Variants in FAH observed in about 807,000 individuals in gnomAD.
FAH encodes fumarylacetoacetase.
Under a neutral mutation model 55.8 loss-of-function variants are expected in FAH, and 47 were observed. The observed-to-expected ratio is 0.84, with a 90% CI of 0.67 to 1.07. The LOEUF is 1.07. Ranked by LOEUF, FAH falls within the 50% of genes least tolerant of loss-of-function variation. The pLI is 0.00. For synonymous variants in FAH, 199 were observed against 207.7 expected (o/e 0.96, Z 0.36); for missense variants, 495 against 545.9 (o/e 0.91, Z 0.93).
In FAH at chr15:80,168,315, T is replaced by G. The variant is rs1567117566; in HGVS notation, c.605T>G (p.Met202Arg). 7 of 1,610,260 alleles carry G rather than the reference T, an allele frequency of 4.3e-6. No homozygotes were observed. Among genetic ancestry groups the G allele is most frequent in the Non-Finnish European group, 5.9e-6 (7 of 1,179,052 alleles). The change falls in exon 7 of 14, where the codon ATG becomes AGG. Residue 202 changes from methionine to arginine, a missense_variant and splice_region_variant. Physicochemically the swap from Met to Arg is moderately conservative, Grantham distance 91 (BLOSUM62 -1). Coordinates refer to ENST00000561421, the MANE Select transcript of FAH (RefSeq NM_000137.4). ...AAGCTCTTGGACATGGAGCTGGAAA[T>G]GGTAAGTGAGCTTGATGTTTTATTG... ...ACKLLDMELE[M>R]AFFVGPGNRL...
intron 10 of FAH, 61 bp downstream of exon 10, chr15:80,175,152 T>TCAGGACAAGGCACACA: frequency 6.7e-7 from 1 of 1,482,776 alleles, no homozygotes; most frequent in Non-Finnish European, 9.4e-7. Flanking sequence ...CTGTGTGCCT[T>TCAGGACAAGGCACACA]GTCCTGAAGG....
rs1212392235 is a variant in FAH at position 80,162,101 on chromosome 15, T to A, written c.365-145T>A. The A allele has an allele frequency of 8.1e-6, 6 of 737,424 alleles. No individual in the cohort carries two copies. In the East Asian group the frequency reaches 1.5e-4, roughly 18 times the overall value. 45.7% of individuals were successfully genotyped at this position (737,424 alleles called of 1,614,324 possible). On this transcript the variant is annotated intron_variant, in intron 4 of 13. Transcript: ENST00000561421. ...CAGTGAGGATATTTTATATTGCATT[T>A]GGTGCTGCCATTGCTGGCTGCAGGC...
intron 1 of FAH, among the ~76,000 whole-genome samples, chr15:80,154,855 T>C (rs2041084825): frequency 6.6e-6 from 1 of 152,194 alleles, no homozygotes; most frequent in South Asian, 2.1e-4. Context: ...GGGTGCTCTC[T>C]GTGAAGGTAG....
intron 10 of FAH, among the ~76,000 whole-genome samples, chr15:80,175,653 C>T (rs866803992): frequency 2.6e-5 from 4 of 152,320 alleles, no homozygotes; most frequent in Admixed American, 6.5e-5. Flanking sequence ...CTGCTCAGCC[C>T]GCCTCCGCGA....
intron 2 of FAH, 145 bp downstream of exon 2, chr15:80,158,315 T>C (rs1234054127): frequency 4.0e-6 from 3 of 747,734 alleles, no homozygotes; most frequent in Non-Finnish European, 7.1e-6. Flanking sequence ...GCTGGGGTTG[T>C]TTTGAGACAG....
chr15:80,160,337 C>A, intron 3 of FAH, 73 bp from the exon 4 acceptor site: 1 of 1,470,368 alleles, frequency 6.8e-7, no homozygotes, highest in South Asian at 1.1e-5. Flanking sequence ...TGGGGATGGT[C>A]TGGGCTGAGC....
At chr15:80,166,423 C>G (rs150249244) in intron 5 of FAH, 1 of 152,142 alleles carries the variant, frequency 6.6e-6, no homozygotes, top group Non-Finnish European at 1.5e-5. Flanking sequence ...CATGAGCCAC[C>G]GTGCCCGGCC....
chr15:80,152,848 G>A (rs1482414423), upstream of FAH: 1 of 569,798 alleles, frequency 1.8e-6, no homozygotes, highest in Non-Finnish European at 3.2e-6. Flanking sequence ...CAGGGTAGGG[G>A]GGAGGGGCAG....
intron 9 of FAH, 104 bp downstream of exon 9, chr15:80,173,248 A>G: frequency 2.0e-6 from 3 of 1,490,930 alleles, no homozygotes; most frequent in Non-Finnish European, 2.8e-6. Flanking sequence ...TCAGGAGGGA[A>G]GCTCTGTGCC....
chr15:80,154,665 T>C (rs1255263358), intron 1 of FAH, among the ~76,000 whole-genome samples: 1 of 152,270 alleles, frequency 6.6e-6, no homozygotes, highest in Non-Finnish European at 1.5e-5. Context: ...GCAGTCAGCC[T>C]TTCCTAATTT....
At chr15:80,186,100 G>A (rs1340999571) in intron 13 of FAH, 30 bp from the exon 14 acceptor site, 5 of 1,604,696 alleles carry the variant, frequency 3.1e-6, no homozygotes, top group Non-Finnish European at 4.3e-6. Flanking sequence ...CAGCAACTTT[G>A]TGACTGATCC....
intron 7 of FAH, among the ~76,000 whole-genome samples, chr15:80,170,790 C>A (rs2041234417): frequency 6.6e-6 from 1 of 152,160 alleles, no homozygotes; most frequent in African/African-American, 2.4e-5. Flanking sequence ...GAAAAATTTG[C>A]AATGTTTAAC....
Position 80,186,126 on chromosome 15 carries a change from C to G in FAH, c.1181-4C>G. On this transcript the variant is annotated splice_region_variant and splice_polypyrimidine_tract_variant and intron_variant, in intron 13 of 13. Coordinates refer to ENST00000561421, the MANE Select transcript of FAH (RefSeq NM_000137.4). ...TGACTGATCCTTGTCCTCCTCTGTT[C>G]CAGGGTACTGCCAGGGGGATGGTTA... is the stretch of plus-strand genomic sequence containing the variant. 1.2e-6 allele frequency: 2 copies of G among 1,613,886 alleles called. No individual in the cohort carries two copies. The highest frequency in any genetic ancestry group is 2.2e-5 in the South Asian group (2 of 91,078).
Position 80,186,297 on chromosome 15 carries a change from C to G in FAH, c.*88C>G. 1 of 1,066,256 alleles carries G rather than the reference C, an allele frequency of 9.4e-7. No homozygotes were observed. Among genetic ancestry groups the G allele is most frequent in the South Asian group, 1.3e-5 (1 of 78,890 alleles). The allele number at this position is 1,066,256 out of a possible 1,614,324, so 66.0% of individuals were successfully genotyped here. ...TCCTCCCTCGGGCTGTAGGCCTGGTCCGCCATTCAGTGACAAATAAAGCCA... is the reference window on the plus strand; with the variant it reads ...TCCTCCCTCGGGCTGTAGGCCTGGTGCGCCATTCAGTGACAAATAAAGCCA... On this transcript the variant is annotated 3_prime_UTR_variant, in exon 14 of 14. Coordinates refer to ENST00000561421, the MANE Select transcript of FAH (RefSeq NM_000137.4).
chr15:80,153,327 G>A (rs1375112882), intron 1 of FAH, among the ~76,000 whole-genome samples, 192 bp downstream of exon 1: 4 of 152,148 alleles, frequency 2.6e-5, no homozygotes, highest in Admixed American at 2.0e-4. Flanking sequence ...AGCTGTGCAC[G>A]TTGTTTAACT....
chr15:80,177,285 G>T, intron 10 of FAH: 1 of 532,898 alleles, frequency 1.9e-6, no homozygotes, highest in Non-Finnish European at 3.4e-6. Flanking sequence ...TATGGACTCA[G>T]AGCAAACATG....
chr15:80,153,027 C>A lies in FAH; in HGVS notation c.-28C>A, dbSNP rs748799603. The A allele has an allele frequency of 6.2e-7, 1 of 1,604,598 alleles. No individual in the cohort carries two copies. Among genetic ancestry groups the A allele is most frequent in the South Asian group, 1.1e-5 (1 of 90,986 alleles). Reference sequence around the variant, plus strand: ...CCTGCTCTCCGCACGCCACCTTAGGCCCGCAGCCGTGCCGGGTGCTCTTCA... The same window carrying A: ...CCTGCTCTCCGCACGCCACCTTAGGACCGCAGCCGTGCCGGGTGCTCTTCA... On this transcript the variant is annotated 5_prime_UTR_variant, in exon 1 of 14. Transcript: ENST00000561421.
chr15:80,164,663 AG>A (rs2041177096), intron 5 of FAH, among the ~76,000 whole-genome samples: 1 of 152,214 alleles, frequency 6.6e-6, no homozygotes, highest in African/African-American at 2.4e-5. Context: ...TCCTCAGGGG[AG>A]TGGCCGGGTG....
At chr15:80,162,482 G>A in intron 5 of FAH, 146 bp downstream of exon 5, 1 of 746,556 alleles carries the variant, frequency 1.3e-6, no homozygotes, top group South Asian at 1.5e-5. Flanking sequence ...GGAAGCAGTG[G>A]TCTCAGCTTC....
Sources: allele counts gnomAD v4.1 joint callset (sites outside exome capture counted in the v4.1 genomes callset), GRCh38; gene constraint gnomAD v4.1.1; transcripts MANE v1.5; gene names NCBI Gene and HGNC (gene_info 2026-07-23, HGNC 2026-07-21).